The following CREBBP variants were observed in gnomAD, a reference collection of about 807,000 sequenced individuals.
CREBBP encodes CREB-binding protein.
CREBBP carries 19 observed loss-of-function variants against 265.0 expected under a neutral mutation model. That is an observed-to-expected ratio of 0.07 (90% CI 0.05 to 0.11). The LOEUF (loss-of-function observed/expected upper bound fraction) is 0.11. Ranked by LOEUF, CREBBP falls within the 10% of genes least tolerant of loss-of-function variation. CREBBP has a pLI of 1.00. For synonymous variants in CREBBP, 1,457 were observed against 1,223.7 expected, an observed-to-expected ratio of 1.19 and a Z score of -3.98; for missense variants, 2,525 against 3,219.0, an observed-to-expected ratio of 0.78 and a Z score of 5.22.
chr16:3,787,624 A>C (rs999695730), intron 5 of CREBBP, among the ~76,000 whole-genome samples: 2 of 151,804 alleles, frequency 1.3e-5, no homozygotes, highest in Non-Finnish European at 2.9e-5. Flanking sequence ...ATATAAAAAA[A>C]GGAGGTTTTT....
chr16:3,778,937 C>A (rs1476983595), intron 8 of CREBBP, 120 bp from the exon 9 acceptor site: 1 of 768,268 alleles, frequency 1.3e-6, no homozygotes. Flanking sequence ...GAGGCTGAGG[C>A]GGGAGAATCA....
At chr16:3,780,159 T>C (rs778101084) in intron 8 of CREBBP, among the ~76,000 whole-genome samples, 19 of 151,162 alleles carry the variant, frequency 1.3e-4, no homozygotes, top group Non-Finnish European at 2.8e-4. Context: ...GGAGAATCAC[T>C]TGAACCTGGG....
chr16:3,763,020 C>T (rs11863204), intron 16 of CREBBP, among the ~76,000 whole-genome samples: 16,088 of 151,496 alleles, frequency 0.11, 980 homozygotes, highest in East Asian at 0.18. Context: ...GTGATCCGCC[C>T]GCCTCGGCCT....
chr16:3,787,823 A>G (rs2053421749), intron 5 of CREBBP, among the ~76,000 whole-genome samples: 1 of 151,990 alleles, frequency 6.6e-6, no homozygotes, highest in South Asian at 2.1e-4. Context: ...CTACAGGCGC[A>G]TGCTGCCATG....
chr16:3,769,396 CAT>C (rs763349158), intron 14 of CREBBP, 43 bp from the exon 15 acceptor site: 1 of 1,610,120 alleles, frequency 6.2e-7, no homozygotes, highest in South Asian at 1.1e-5. Context: ...AGCAAGGTAA[CAT>C]AAATGATCTT....
chr16:3,754,283 C>T (rs1414132765), intron 19 of CREBBP, among the ~76,000 whole-genome samples: 1 of 152,168 alleles, frequency 6.6e-6, no homozygotes, highest in Non-Finnish European at 1.5e-5. Context: ...GGAACAGTCA[C>T]CCCCAACTAG....
chr16:3,831,799 C>A (rs1273126364), intron 2 of CREBBP, among the ~76,000 whole-genome samples: 2 of 152,022 alleles, frequency 1.3e-5, no homozygotes, highest in African/African-American at 2.4e-5. Flanking sequence ...GAGTTCGACA[C>A]CAGCCTGGCC....
At chr16:3,765,668 G>A (rs986170319) in intron 16 of CREBBP, among the ~76,000 whole-genome samples, 1 of 152,086 alleles carries the variant, frequency 6.6e-6, no homozygotes, top group African/African-American at 2.4e-5. Context: ...TATTTTTTGA[G>A]ACAGGGCCTC....
At chr16:3,860,161 G>C (rs1013946954) in intron 1 of CREBBP, among the ~76,000 whole-genome samples, 12 of 152,136 alleles carry the variant, frequency 7.9e-5, no homozygotes, top group African/African-American at 2.7e-4. Context: ...TGGTCCCAGA[G>C]GTGTTCTGTG....
chr16:3,737,746 G>C (rs1173503205), intron 26 of CREBBP, among the ~76,000 whole-genome samples: 1 of 151,190 alleles, frequency 6.6e-6, no homozygotes, highest in African/African-American at 2.4e-5. Context: ...TTACAGACTA[G>C]GTGAGCCAAT....
intron 26 of CREBBP, 113 bp downstream of exon 26, chr16:3,738,446 G>A (rs1008033605): frequency 3.1e-5 from 23 of 746,270 alleles, no homozygotes; most frequent in Non-Finnish European, 5.3e-5. Flanking sequence ...ATTGATCTTA[G>A]GATGGAAAAA....
intron 26 of CREBBP, among the ~76,000 whole-genome samples, chr16:3,738,109 T>TG (rs1379801784): frequency 1.3e-5 from 2 of 149,342 alleles, no homozygotes; most frequent in Admixed American, 1.3e-4. Context: ...TTAGTAGAGA[T>TG]GGGGTTTCAC....
At chr16:3,828,456 C>T (rs1210282795) in intron 2 of CREBBP, among the ~76,000 whole-genome samples, 1 of 152,166 alleles carries the variant, frequency 6.6e-6, no homozygotes, top group Non-Finnish European at 1.5e-5. Context: ...AGATTAAGAG[C>T]CATAACCCAA....
chr16:3,745,475 T>A, intron 21 of CREBBP, 121 bp from the exon 22 acceptor site: 3 of 811,354 alleles, frequency 3.7e-6, no homozygotes, highest in East Asian at 2.7e-5. Flanking sequence ...GTGCTGACAT[T>A]AATGCGTGTG....
rs537740069 is a variant in CREBBP, at chr16:3,854,681, T to C, written c.86-3672A>G. Among the ~76,000 whole-genome samples, 9 of 152,286 alleles carry C rather than the reference T, an allele frequency of 5.9e-5. No individual in the cohort carries two copies. The South Asian group carries it at 1.9e-3, about 32-fold the overall frequency. On this transcript the variant is annotated intron_variant, in intron 1 of 30. Coordinates refer to ENST00000262367, the MANE Select transcript of CREBBP (RefSeq NM_004380.3). ...CAACACTGAGAGCTGGCACAGGCAT[T>C]GGGAATCTTTCTTCTTGAATCTCTC...
At position 3,814,213 on chromosome 16, in the gene CREBBP, TTCTGTGTGTGTGTGTGTGTGTGTGTGTG is replaced by T. The variant is rs2053993409; in HGVS notation, c.799-3462_799-3435del. ...TGTGTGTGTTTGAGACAGAGTCTCG[TTCTGTGTGTGTGTGTGTGTGTGTGTGTG>T]TGTGTGTGTGTGTGTGTGTGTGTGT... is the stretch of plus-strand genomic sequence containing the variant. On this transcript the variant is annotated intron_variant, in intron 2 of 30. Transcript: ENST00000262367. Among the ~76,000 whole-genome samples, 5 of 85,274 alleles carry T rather than the reference TTCTGTGTGTGTGTGTGTGTGTGTGTGTG, an allele frequency of 5.9e-5. No homozygotes were observed. The South Asian group carries it at 2.0e-3, about 34-fold the overall frequency. The allele number at this position is 85,274 out of a possible 152,430, so 55.9% of individuals were successfully genotyped here. A position where few individuals can be genotyped will look rare whatever the true frequency, so the allele number is the denominator to read the frequency against.
chr16:3,855,446 G>C (rs1310084061), intron 1 of CREBBP, among the ~76,000 whole-genome samples: 1 of 152,080 alleles, frequency 6.6e-6, no homozygotes, highest in Non-Finnish European at 1.5e-5. Flanking sequence ...TGTATTTTTA[G>C]TAGAGACGGG....
At chr16:3,861,878 T>G (rs2055082769) in intron 1 of CREBBP, among the ~76,000 whole-genome samples, 1 of 151,838 alleles carries the variant, frequency 6.6e-6, no homozygotes, top group Non-Finnish European at 1.5e-5. Context: ...AACAGAACAA[T>G]GAGGTTGTAC....
chr16:3,879,362 G>GT (rs778644647), intron 1 of CREBBP, among the ~76,000 whole-genome samples: 156 of 152,138 alleles, frequency 1.0e-3, no homozygotes, highest in Non-Finnish European at 2.0e-3. Context: ...GCTGCTGTGA[G>GT]TGTCCTCTGA....
Sources: allele counts gnomAD v4.1 joint callset (sites outside exome capture counted in the v4.1 genomes callset), GRCh38; gene constraint gnomAD v4.1.1; transcripts MANE v1.5; gene names NCBI Gene and HGNC (gene_info 2026-07-23, HGNC 2026-07-21).